The following AHI1 variants were observed in gnomAD, a reference collection of about 807,000 sequenced individuals.
AHI1 encodes jouberin.
AHI1 carries 123 observed loss-of-function variants against 149.3 expected under a neutral mutation model. That is an observed-to-expected ratio of 0.82 (90% CI 0.71 to 0.96). The LOEUF is 0.96. AHI1 is among the 40% of genes least tolerant of loss of function. AHI1 has a pLI of 0.00. For synonymous variants in AHI1, 475 were observed against 459.8 expected, an observed-to-expected ratio of 1.03 and a Z score of -0.42; for missense variants, 1,439 against 1,422.7, an observed-to-expected ratio of 1.01 and a Z score of -0.18.
At chr6:135,425,918 G>C (rs768177659) in intron 20 of AHI1, among the ~76,000 whole-genome samples, 3 of 151,772 alleles carry the variant, frequency 2.0e-5, no homozygotes, top group Non-Finnish European at 4.4e-5. Flanking sequence ...AATTTCAAAG[G>C]CATAAAAAGC....
rs1373537209 is a variant in AHI1, at chr6:135,363,946, A to AC, written c.3110-5760dup. 5.5e-3 allele frequency among the ~76,000 whole-genome samples: 616 copies of AC among 111,088 alleles called. 5 individuals are homozygous for AC. The highest frequency in any genetic ancestry group is 0.023 in the South Asian group (73 of 3,128). The allele number at this position is 111,088 out of a possible 152,430, so 72.9% of individuals were successfully genotyped here. On this transcript the variant is annotated intron_variant, in intron 23 of 28. Coordinates refer to ENST00000265602, the MANE Select transcript of AHI1 (RefSeq NM_001134831.2). ...GGGCGGCTGGCCGGGCGGGGGGCTG[A>AC]CCCCCCCACCTCCCTCCCGGACGGG...
intron 26 of AHI1, among the ~76,000 whole-genome samples, chr6:135,307,651 ATGAG>A (rs1436879526): frequency 4.6e-5 from 7 of 151,674 alleles, no homozygotes; most frequent in Admixed American, 2.6e-4. Flanking sequence ...TATTTTACTT[ATGAG>A]TGTTTTTTCC....
At chr6:135,286,918 GT>G (rs1029144374) in intron 28 of AHI1, among the ~76,000 whole-genome samples, 8 of 152,088 alleles carry the variant, frequency 5.3e-5, no homozygotes, top group Admixed American at 1.3e-4. Flanking sequence ...TACAGAAAAA[GT>G]ACGTAAAACT....
intron 27 of AHI1, among the ~76,000 whole-genome samples, chr6:135,290,913 A>AACACACACAC (rs574033007): frequency 0.047 from 6,844 of 146,172 alleles, 477 homozygotes; most frequent in African/African-American, 0.15. Context: ...AACACACACA[A>AACACACACAC]ACACACACAC....
At chr6:135,312,438 T>G (rs556454277) in intron 26 of AHI1, among the ~76,000 whole-genome samples, 1 of 152,126 alleles carries the variant, frequency 6.6e-6, no homozygotes, top group South Asian at 2.1e-4. Flanking sequence ...TGCTTGAACT[T>G]GGGAGGTGGA....
At chr6:135,405,073 A>C in intron 21 of AHI1, 96 bp from the exon 22 acceptor site, 2 of 1,031,762 alleles carry the variant, frequency 1.9e-6, no homozygotes, top group South Asian at 1.5e-5. Flanking sequence ...AATAACCTAA[A>C]TCAGCATTTG....
At chr6:135,409,516 CAT>C (rs2128506478) in intron 21 of AHI1, among the ~76,000 whole-genome samples, 1 of 152,232 alleles carries the variant, frequency 6.6e-6, no homozygotes, top group South Asian at 2.1e-4. Flanking sequence ...TCAGTTAACT[CAT>C]AGTTAACAAG....
intron 23 of AHI1, among the ~76,000 whole-genome samples, chr6:135,376,777 G>A (rs1476630241): frequency 2.0e-5 from 3 of 150,494 alleles, no homozygotes; most frequent in Non-Finnish European, 4.4e-5. Flanking sequence ...AGCTACTCGG[G>A]AGGCTGAGGC....
intron 26 of AHI1, among the ~76,000 whole-genome samples, chr6:135,314,011 T>C (rs111945397): frequency 6.6e-6 from 1 of 152,250 alleles, no homozygotes; most frequent in Admixed American, 6.5e-5. Flanking sequence ...TATTGTTAGC[T>C]GTCACAGCAA....
chr6:135,344,695 T>C (rs1057342194), intron 24 of AHI1, among the ~76,000 whole-genome samples: 2 of 150,656 alleles, frequency 1.3e-5, no homozygotes, highest in Non-Finnish European at 3.0e-5. Context: ...CTTTTCTTTC[T>C]TTTTCTTTCT....
chr6:135,323,113 CTATCAGT>C (rs777230214), intron 25 of AHI1, 42 bp downstream of exon 25: 1 of 1,505,738 alleles, frequency 6.6e-7, no homozygotes, highest in East Asian at 2.3e-5. Context: ...AAATCTTGGA[CTATCAGT>C]TATACCATAC....
intron 5 of AHI1, among the ~76,000 whole-genome samples, chr6:135,475,485 T>C (rs568072984): frequency 2.0e-5 from 3 of 152,368 alleles, no homozygotes; most frequent in Admixed American, 6.5e-5. Flanking sequence ...AAAGCTTATG[T>C]TAGCAATGTG....
chr6:135,464,510 G>A (rs781163750), intron 7 of AHI1, among the ~76,000 whole-genome samples: 90 of 152,248 alleles, frequency 5.9e-4, no homozygotes, highest in Admixed American at 3.9e-4. Flanking sequence ...TTGTGTGTGG[G>A]CTGGACTAGT....
chr6:135,355,691 G>C (rs1048846660), intron 24 of AHI1, among the ~76,000 whole-genome samples: 8 of 152,130 alleles, frequency 5.3e-5, no homozygotes, highest in Non-Finnish European at 8.8e-5. Flanking sequence ...ACGAGGTCAG[G>C]AGTTTGAGGC....
chr6:135,418,944 A>ATT (rs560654045), intron 20 of AHI1, among the ~76,000 whole-genome samples: 16 of 141,404 alleles, frequency 1.1e-4, no homozygotes, highest in African/African-American at 1.6e-4. Flanking sequence ...AGTACTTATA[A>ATT]TTTTTTTTTT....
intron 25 of AHI1, among the ~76,000 whole-genome samples, 183 bp from the exon 26 acceptor site, chr6:135,318,799 A>G (rs927636273): frequency 6.6e-6 from 1 of 152,270 alleles, no homozygotes; most frequent in Non-Finnish European, 1.5e-5. Flanking sequence ...TAGTTATCAA[A>G]AGAACTATGA....
intron 20 of AHI1, among the ~76,000 whole-genome samples, chr6:135,423,704 T>C (rs1783539261): frequency 1.3e-5 from 2 of 152,078 alleles, no homozygotes; most frequent in South Asian, 4.1e-4. Context: ...TGACACACAA[T>C]AGGTGCTTAA....
chr6:135,422,910 T>C (rs1783412624), intron 20 of AHI1, among the ~76,000 whole-genome samples: 2 of 152,200 alleles, frequency 1.3e-5, no homozygotes, highest in South Asian at 2.1e-4. Flanking sequence ...CATAGGAATA[T>C]TTAGCTACTT....
At chr6:135,395,591 T>C (rs1401808976) in intron 22 of AHI1, among the ~76,000 whole-genome samples, 1 of 151,898 alleles carries the variant, frequency 6.6e-6, no homozygotes, top group African/African-American at 2.4e-5. Flanking sequence ...GGAAAATAAA[T>C]AGTTCACTGA....
Sources: gnomAD v4.1 joint callset for allele counts (sites outside exome capture counted in the v4.1 genomes callset) on GRCh38, gnomAD v4.1.1 for gene constraint, MANE v1.5 for transcripts, NCBI Gene and HGNC (gene_info 2026-07-23, HGNC 2026-07-21) for gene names.